The following EDA variants were observed in gnomAD, a reference collection of about 807,000 sequenced individuals.
EDA encodes ectodysplasin A.
A neutral mutation model predicts 23.6 loss-of-function variants in EDA; 2 were observed. That is an observed-to-expected ratio of 0.08 (90% CI 0.03 to 0.27). The LOEUF (loss-of-function observed/expected upper bound fraction) is 0.27, where lower values mean the gene tolerates loss of function less well. Among genes scored for constraint, EDA ranks in the 10% least tolerant of loss-of-function variants. The pLI, the probability that EDA is intolerant of heterozygous loss-of-function variation, is 1.00. For synonymous variants in EDA, 131 were observed against 132.0 expected, an observed-to-expected ratio of 0.99 and a Z score of 0.05; for missense variants, 229 against 324.2, an observed-to-expected ratio of 0.71 and a Z score of 2.26.
At chrX:69,719,715 TACAC>T (rs35200750) in intron 1 of EDA, among the ~76,000 whole-genome samples, 29,830 of 102,477 alleles carry the variant, frequency 0.29, 4,394 homozygotes, top group Middle Eastern at 0.53. Context: ...TATTCCGTTA[TACAC>T]ACACACACAC....
At chrX:69,680,227 A>G in intron 1 of EDA, among the ~76,000 whole-genome samples, 1 of 78,265 alleles carries the variant, frequency 1.3e-5, no homozygotes, top group Non-Finnish European at 2.3e-5. Flanking sequence ...TGCTGAGGAG[A>G]GCTTTACTTC....
intron 1 of EDA, among the ~76,000 whole-genome samples, chrX:69,951,010 G>A (rs971171817): frequency 2.9e-5 from 3 of 104,478 alleles, no homozygotes; most frequent in Non-Finnish European, 5.8e-5. Flanking sequence ...GTTAGTGGGT[G>A]CAGCACACCA....
intron 3 of EDA, among the ~76,000 whole-genome samples, chrX:70,024,684 A>C (rs2020084351): frequency 8.9e-6 from 1 of 112,148 alleles, no homozygotes; most frequent in African/African-American, 3.2e-5. Flanking sequence ...GAATAGGCAC[A>C]TGCTTGAAGA....
intron 1 of EDA, among the ~76,000 whole-genome samples, chrX:69,851,321 A>G (rs2017127773): frequency 8.9e-6 from 1 of 111,870 alleles, no homozygotes; most frequent in South Asian, 3.7e-4. Flanking sequence ...TTCTCACTGT[A>G]ACTATTACTT....
chrX:69,856,204 G>T (rs1030138684), intron 1 of EDA, among the ~76,000 whole-genome samples: 3 of 107,333 alleles, frequency 2.8e-5, no homozygotes, highest in African/African-American at 1.0e-4. Flanking sequence ...CATCCAGGTT[G>T]CTGCAAATGC....
chrX:69,637,703 C>T (rs1303286034), intron 1 of EDA, among the ~76,000 whole-genome samples: 4 of 111,097 alleles, frequency 3.6e-5, no homozygotes, highest in Admixed American at 1.9e-4. Context: ...AAGATAATAT[C>T]GACTCTATAA....
chrX:69,765,821 A>G (rs1439335131), intron 1 of EDA, among the ~76,000 whole-genome samples: 1 of 111,300 alleles, frequency 9.0e-6, no homozygotes, highest in Non-Finnish European at 1.9e-5. Flanking sequence ...AAACAATTCC[A>G]TCACCACGAA....
chrX:69,876,118 C>T (rs1469877261), intron 1 of EDA, among the ~76,000 whole-genome samples: 1 of 111,751 alleles, frequency 8.9e-6, no homozygotes, highest in Admixed American at 9.5e-5. Flanking sequence ...CCATTTGATC[C>T]AGCAATCCCA....
intron 1 of EDA, among the ~76,000 whole-genome samples, chrX:69,673,586 CAAAA>C (rs55828232): frequency 0.013 from 1,404 of 106,397 alleles, 17 homozygotes; most frequent in Non-Finnish European, 0.019. Flanking sequence ...TTACTGTATT[CAAAA>C]AAAAAAAATC....
chrX:69,879,027 TTG>T (rs1488530546), intron 1 of EDA, among the ~76,000 whole-genome samples: 1 of 110,861 alleles, frequency 9.0e-6, no homozygotes, highest in African/African-American at 3.3e-5. Flanking sequence ...ACATTCTACT[TTG>T]TTCTTTTTCA....
intron 1 of EDA, among the ~76,000 whole-genome samples, chrX:69,804,102 A>G (rs1309794069): frequency 9.0e-6 from 1 of 111,099 alleles, no homozygotes; most frequent in Non-Finnish European, 1.9e-5. Flanking sequence ...GGCTATTGCA[A>G]ATAGTGCTGC....
intron 1 of EDA, among the ~76,000 whole-genome samples, chrX:69,951,882 C>T (rs773501980): frequency 3.9e-4 from 44 of 111,622 alleles, no homozygotes; most frequent in South Asian, 7.5e-4. Context: ...ATTTTTTTCC[C>T]CCTTGAGCAA....
At chrX:69,634,474 G>A (rs1049689989) in intron 1 of EDA, among the ~76,000 whole-genome samples, 4 of 109,788 alleles carry the variant, frequency 3.6e-5, no homozygotes, top group Admixed American at 2.9e-4. Flanking sequence ...CACCATGCCC[G>A]GATAATTTTT....
At chrX:69,957,594 A>G (rs2019031931) in intron 2 of EDA, 1 of 127,128 alleles carries the variant, frequency 7.9e-6, no homozygotes, top group African/African-American at 3.2e-5. Flanking sequence ...TAACCTACCA[A>G]TCAGTCCTTT....
intron 1 of EDA, among the ~76,000 whole-genome samples, chrX:69,802,120 C>A (rs1407076753): frequency 9.1e-6 from 1 of 109,882 alleles, no homozygotes; most frequent in African/African-American, 3.3e-5. Context: ...TCCCCACGAG[C>A]AAGGGAATAA....
chrX:69,736,825 A>T (rs1439571838), intron 1 of EDA, among the ~76,000 whole-genome samples: 6 of 99,561 alleles, frequency 6.0e-5, no homozygotes, highest in African/African-American at 2.3e-4. Flanking sequence ...AGGCTGGAGT[A>T]CAGTGGCGCG....
At chrX:69,865,046 A>G (rs990732111) in intron 1 of EDA, among the ~76,000 whole-genome samples, 6 of 110,765 alleles carry the variant, frequency 5.4e-5, no homozygotes, top group African/African-American at 2.0e-4. Context: ...AATAGATAGC[A>G]TAAATAAAAA....
chrX:69,993,180 A>G (rs1469856623), intron 2 of EDA, among the ~76,000 whole-genome samples: 5 of 110,171 alleles, frequency 4.5e-5, no homozygotes, highest in Non-Finnish European at 7.6e-5. Context: ...AAATAAATAA[A>G]TAATATAAAA....
At chrX:69,839,571 G>A (rs1031671832) in intron 1 of EDA, among the ~76,000 whole-genome samples, 2 of 112,302 alleles carry the variant, frequency 1.8e-5, no homozygotes, top group Non-Finnish European at 3.8e-5. Flanking sequence ...AAAACATTCT[G>A]TTCAATAGTC....
Sources: allele counts gnomAD v4.1 joint callset (sites outside exome capture counted in the v4.1 genomes callset), GRCh38; gene constraint gnomAD v4.1.1; transcripts MANE v1.5; gene names NCBI Gene and HGNC (gene_info 2026-07-23, HGNC 2026-07-21).